The following BRWD1 variants were observed in gnomAD, a reference collection of about 807,000 sequenced individuals.
The protein encoded by BRWD1 is bromodomain and WD repeat-containing protein 1.
A neutral mutation model predicts 251.2 loss-of-function variants in BRWD1; 82 were observed. That is an observed-to-expected ratio of 0.33 (90% CI 0.27 to 0.39). BRWD1 has a LOEUF of 0.39. Among genes scored for constraint, BRWD1 ranks in the 10% least tolerant of loss-of-function variants. BRWD1 has a pLI of 1.00. For missense variants in BRWD1, 2,233 were observed against 2,711.6 expected (o/e 0.82, Z 3.92); for synonymous variants, 918 against 902.8 (o/e 1.02, Z -0.30).
At position 39,210,772 on chromosome 21, in the gene BRWD1, CA is replaced by C; in HGVS notation, c.4044+13del. 1 of 1,594,790 alleles carries C rather than the reference CA, an allele frequency of 6.3e-7. No individual in the cohort carries two copies. The highest frequency in any genetic ancestry group is 8.5e-7 in the Non-Finnish European group (1 of 1,173,912). On this transcript the variant is annotated intron_variant, in intron 35 of 40. Transcript: ENST00000342449. ...ACAAGAAAAGCCCCAAACATTTAAACAATGGAAACTTACTGGATATTCAACC... is the reference window on the plus strand; with the variant it reads ...ACAAGAAAAGCCCCAAACATTTAAACATGGAAACTTACTGGATATTCAACC...
intron 12 of BRWD1, 134 bp downstream of exon 12, chr21:39,276,035 AAAAT>A (rs988992163): frequency 2.6e-4 from 184 of 714,056 alleles, no homozygotes; most frequent in South Asian, 1.4e-3. Flanking sequence ...TCCATCTCAA[AAAAT>A]AAATAAATAA....
At chr21:39,288,459 A>T (rs1368618056) in intron 8 of BRWD1, among the ~76,000 whole-genome samples, 7 of 152,220 alleles carry the variant, frequency 4.6e-5, no homozygotes, top group African/African-American at 1.7e-4. Flanking sequence ...TTTCATTATT[A>T]ATCAGTTTGA....
chr21:39,294,705 T>C (rs1408573015), intron 7 of BRWD1, among the ~76,000 whole-genome samples: 1 of 148,634 alleles, frequency 6.7e-6, no homozygotes, highest in Non-Finnish European at 1.5e-5. Flanking sequence ...ATGTGATGAA[T>C]GTGATGAATG....
rs375752576 is a variant in BRWD1 at position 39,186,355 on chromosome 21, A to G, written c.*9904T>C. 1 of 152,092 alleles carries G rather than the reference A, an allele frequency of 6.6e-6. No individual in the cohort carries two copies. The highest frequency in any genetic ancestry group is 2.4e-5 in the African/African-American group (1 of 41,344). 9.4% of individuals were successfully genotyped at this position (152,092 alleles called of 1,614,324 possible). ...AAGTGGTCATTCAGTATGAACTGCA[A>G]TATTATAAACAAAATGACATCAATG... is the stretch of plus-strand genomic sequence containing the variant. On this transcript the variant is annotated 3_prime_UTR_variant, in exon 41 of 41. Transcript: ENST00000342449.
At chr21:39,284,269 CAGA>C (rs1412277028) in intron 8 of BRWD1, among the ~76,000 whole-genome samples, 2 of 152,232 alleles carry the variant, frequency 1.3e-5, no homozygotes, top group East Asian at 3.9e-4. Flanking sequence ...TGCTTGAGGC[CAGA>C]AGTTCAAGAC....
At chr21:39,262,333 T>C (rs1179422697) in intron 17 of BRWD1, among the ~76,000 whole-genome samples, 1 of 151,996 alleles carries the variant, frequency 6.6e-6, no homozygotes, top group Non-Finnish European at 1.5e-5. Context: ...TCAGCCCCAG[T>C]GAATAAACAG....
chr21:39,279,952 C>T (rs1272990140), intron 9 of BRWD1, among the ~76,000 whole-genome samples, 196 bp downstream of exon 9: 1 of 152,048 alleles, frequency 6.6e-6, no homozygotes, highest in African/African-American at 2.4e-5. Context: ...GCTTCTTTTA[C>T]AAATCCTGCT....
At position 39,189,763 on chromosome 21, in the gene BRWD1, TACAA is replaced by T. The variant is rs1601216172; in HGVS notation, c.*6492_*6495del. 1 of 984,168 alleles carries T rather than the reference TACAA, an allele frequency of 1.0e-6. No individual in the cohort carries two copies. Among genetic ancestry groups the T allele is most frequent in the Non-Finnish European group, 1.2e-6 (1 of 828,786 alleles). 61.0% of individuals were successfully genotyped at this position (984,168 alleles called of 1,614,324 possible). On this transcript the variant is annotated 3_prime_UTR_variant, in exon 41 of 41. Coordinates refer to ENST00000342449, the MANE Select transcript of BRWD1 (RefSeq NM_033656.4). ...ATAAAGTGCTTTTTCTCAAGAAAAC[TACAA>T]ACAGTTTTAGAAATATATATAGGAT...
downstream of BRWD1, chr21:39,185,295 T>TAAAAAAAAAAAAAAAAAAAAAAAAAAAAA (rs10525862): frequency 3.1e-4 from 22 of 71,818 alleles, 2 homozygotes; most frequent in South Asian, 5.3e-4. Flanking sequence ...CTGAAATTGC[T>TAAAAAAAAAAAAAAAAAAAAAAAAAAAAA]AAAAAAAAAA....
In BRWD1 at chr21:39,190,389, T is replaced by C. The variant is rs2031490204; in HGVS notation, c.*5870A>G. On this transcript the variant is annotated 3_prime_UTR_variant, in exon 41 of 41. Transcript: ENST00000342449. ...TAAAATTGGAGCATTTAAAACAGAT[T>C]TGAGAATGAGAAAAGAATGTCTGAC... 1.4e-5 allele frequency: 14 copies of C among 985,214 alleles called. No homozygotes were observed. The highest frequency in any genetic ancestry group is 1.7e-5 in the African/African-American group (1 of 57,204). 61.0% of individuals were successfully genotyped at this position (985,214 alleles called of 1,614,324 possible).
chr21:39,214,850 T>C (rs1283692490), intron 32 of BRWD1, among the ~76,000 whole-genome samples: 1 of 149,592 alleles, frequency 6.7e-6, no homozygotes, highest in Non-Finnish European at 1.5e-5. Flanking sequence ...TAGTTCTGAG[T>C]AAAAAACAAA....
chr21:39,232,645 T>C (rs2033661034), intron 23 of BRWD1, 147 bp from the exon 24 acceptor site: 1 of 839,910 alleles, frequency 1.2e-6, no homozygotes, highest in Non-Finnish European at 1.8e-6. Flanking sequence ...GCATATATAT[T>C]TAGTTCCTTT....
At chr21:39,198,655 G>A (rs2031945138) in intron 40 of BRWD1, 108 bp downstream of exon 40, 1 of 905,354 alleles carries the variant, frequency 1.1e-6, no homozygotes, top group East Asian at 2.7e-5. Flanking sequence ...AAACAGCAAA[G>A]AGAAAAAAGT....
At chr21:39,282,284 A>G (rs2035493545) in intron 8 of BRWD1, among the ~76,000 whole-genome samples, 1 of 152,062 alleles carries the variant, frequency 6.6e-6, no homozygotes, top group Non-Finnish European at 1.5e-5. Context: ...CATTCAAGAC[A>G]AAGAAGGAGC....
intron 27 of BRWD1, among the ~76,000 whole-genome samples, chr21:39,225,588 TC>T (rs1311839792): frequency 6.6e-6 from 1 of 152,132 alleles, no homozygotes; most frequent in Non-Finnish European, 1.5e-5. Context: ...GGGATATAGA[TC>T]AACAGTTCTT....
downstream of BRWD1, chr21:39,185,466 T>C (rs967975360): frequency 3.9e-5 from 6 of 152,018 alleles, no homozygotes; most frequent in African/African-American, 1.4e-4. Flanking sequence ...AGCTCAAAAA[T>C]CAAACCCCAT....
chr21:39,195,951 C>T lies in BRWD1; in HGVS notation c.*308G>A. On this transcript the variant is annotated 3_prime_UTR_variant, in exon 41 of 41. Coordinates refer to ENST00000342449, the MANE Select transcript of BRWD1 (RefSeq NM_033656.4). The stretch of plus-strand genomic sequence containing the variant: ...CACTTGCTGCCATGAAAGTAATGCT[C>T]ATTGGTTTTGATAACCAGGATGTCT... 9.6e-7 allele frequency: 1 copy of T among 1,045,806 alleles called. No homozygotes were observed. Among genetic ancestry groups the T allele is most frequent in the Non-Finnish European group, 1.1e-6 (1 of 870,280 alleles). The allele number at this position is 1,045,806 out of a possible 1,614,324, so 64.8% of individuals were successfully genotyped here.
At chr21:39,294,148 T>C (rs2035888957) in intron 7 of BRWD1, 116 bp from the exon 8 acceptor site, 1 of 751,832 alleles carries the variant, frequency 1.3e-6, no homozygotes, top group Admixed American at 2.8e-5. Context: ...TATAGAATAC[T>C]CTCTTATTTA....
chr21:39,300,373 G>A (rs145790402), intron 4 of BRWD1, among the ~76,000 whole-genome samples: 7 of 152,312 alleles, frequency 4.6e-5, no homozygotes, highest in African/African-American at 1.4e-4. Context: ...TAAAAAGTTG[G>A]CAGTCAGGTA....
Sources: gnomAD v4.1 joint callset for allele counts (sites outside exome capture counted in the v4.1 genomes callset) on GRCh38, gnomAD v4.1.1 for gene constraint, MANE v1.5 for transcripts, NCBI Gene and HGNC (gene_info 2026-07-23, HGNC 2026-07-21) for gene names.